Variants in PRTG observed in about 807,000 individuals in gnomAD.
PRTG encodes protogenin.
In PRTG, 67 loss-of-function variants were observed where a neutral mutation model predicts 122.5. That is an observed-to-expected ratio of 0.55 (90% CI 0.45 to 0.67). PRTG has a LOEUF of 0.67. PRTG is among the 30% of genes least tolerant of loss of function. The pLI is 0.00. For synonymous variants in PRTG, 554 were observed against 501.1 expected (o/e 1.11, Z -1.41); for missense variants, 1,435 against 1,415.4 (o/e 1.01, Z -0.22).
At chr15:55,708,012 A>G (rs2030204434) in intron 2 of PRTG, among the ~76,000 whole-genome samples, 1 of 152,166 alleles carries the variant, frequency 6.6e-6, no homozygotes, top group Non-Finnish European at 1.5e-5. Flanking sequence ...CTCAGAAGCC[A>G]CAAAGGCAAT....
intron 15 of PRTG, among the ~76,000 whole-genome samples, chr15:55,629,375 A>ATGTGTGTGTGTGTGTG (rs59080250): frequency 2.3e-4 from 11 of 47,976 alleles, no homozygotes; most frequent in East Asian, 0.015. Flanking sequence ...ATATATATAT[A>ATGTGTGTGTGTGTGTG]TGTGTGTGTG....
Position 55,736,380 on chromosome 15 carries a change from CTTT to C in PRTG, c.397+3999_397+4001del, listed in dbSNP as rs68147473. Among the ~76,000 whole-genome samples the C allele has an allele frequency of 2.0e-5, 3 of 147,680 alleles. No individual in the cohort carries two copies. The South Asian group carries it at 6.5e-4, about 32-fold the overall frequency. On this transcript the variant is annotated intron_variant, in intron 2 of 19. Transcript: ENST00000389286. ...TCTTTTCAACGTATCACTTCCCCAT[CTTT>C]TTTTTTTTAACATGACTCTTTATAA...
intron 6 of PRTG, 149 bp downstream of exon 6, chr15:55,679,905 A>C: frequency 1.6e-6 from 1 of 634,228 alleles, no homozygotes; most frequent in African/African-American, 1.8e-5. Flanking sequence ...TTTTAACATA[A>C]ATATTTGTTT....
chr15:55,675,649 T>C lies in PRTG; in HGVS notation c.1416A>G (p.Gly472=). ...LNNEEYQVVI[G]NDTTHYIIDD... ...CAATAATATAATGAGTTGTGTCATTTCCGATGACTACTTGATACTCTTCAT... is the reference window on the plus strand; with the variant it reads ...CAATAATATAATGAGTTGTGTCATTCCCGATGACTACTTGATACTCTTCAT... The change falls in exon 9 of 20, where the codon GGA becomes GGG. Residue 472 remains glycine, a synonymous_variant. Transcript: ENST00000389286. The C allele has an allele frequency of 6.3e-7, 1 of 1,588,292 alleles. No homozygotes were observed. The highest frequency in any genetic ancestry group is 8.6e-7 in the Non-Finnish European group (1 of 1,157,072).
chr15:55,708,761 G>C (rs1273877732), intron 2 of PRTG, among the ~76,000 whole-genome samples: 2 of 152,044 alleles, frequency 1.3e-5, no homozygotes, highest in East Asian at 3.9e-4. Flanking sequence ...GCTTAGCCAG[G>C]GTTATTTCAA....
At chr15:55,637,932 A>G (rs1321322134) in intron 14 of PRTG, among the ~76,000 whole-genome samples, 2 of 152,234 alleles carry the variant, frequency 1.3e-5, no homozygotes, top group African/African-American at 2.4e-5. Flanking sequence ...TATATGGAAT[A>G]TTGCCAAAAC....
chr15:55,741,477 C>T (rs1193996297), intron 1 of PRTG, among the ~76,000 whole-genome samples: 1 of 152,208 alleles, frequency 6.6e-6, no homozygotes, highest in African/African-American at 2.4e-5. Flanking sequence ...ACATTTTTAT[C>T]AGAGCAGAGG....
chr15:55,730,061 G>A (rs1049754585), intron 2 of PRTG, among the ~76,000 whole-genome samples: 17 of 152,232 alleles, frequency 1.1e-4, no homozygotes, highest in African/African-American at 3.1e-4. Flanking sequence ...AATGAAAGTC[G>A]CTTTTTTAAT....
At chr15:55,685,389 CTTAT>C (rs1241489030) in intron 2 of PRTG, among the ~76,000 whole-genome samples, 1 of 152,092 alleles carries the variant, frequency 6.6e-6, no homozygotes, top group Non-Finnish European at 1.5e-5. Context: ...GAAATAATCC[CTTAT>C]TTGTGTATGA....
At chr15:55,735,644 CAAAAT>C (rs1445569257) in intron 2 of PRTG, among the ~76,000 whole-genome samples, 5 of 123,542 alleles carry the variant, frequency 4.0e-5, no homozygotes, top group African/African-American at 6.2e-5. Flanking sequence ...ATAAATAAAA[CAAAAT>C]AAAATAAGTA....
rs74017548 is a variant in PRTG, at chr15:55,682,357, G to A, written c.676+7C>T. 2,743 of 1,585,068 alleles carry A rather than the reference G, an allele frequency of 1.7e-3. 36 individuals carry two copies. The African/African-American group carries it at 0.032, about 19-fold the overall frequency. Reference sequence around the variant, plus strand: ...CATAAAAATGGAAAAACCACTCTGCGTGGTACCTGGAATCACAGTTAGCGA... The same window carrying A: ...CATAAAAATGGAAAAACCACTCTGCATGGTACCTGGAATCACAGTTAGCGA... On this transcript the variant is annotated splice_region_variant and intron_variant, in intron 4 of 19. Transcript: ENST00000389286.
chr15:55,661,845 C>A (rs1222141253), intron 11 of PRTG, among the ~76,000 whole-genome samples: 1 of 150,674 alleles, frequency 6.6e-6, no homozygotes, highest in Non-Finnish European at 1.5e-5. Flanking sequence ...ACCATTTAGG[C>A]AAATGCATCA....
chr15:55,688,968 CTACT>C (rs1469023833), intron 2 of PRTG, among the ~76,000 whole-genome samples: 2 of 152,214 alleles, frequency 1.3e-5, no homozygotes, highest in Non-Finnish European at 2.9e-5. Flanking sequence ...AAGCTAGAGA[CTACT>C]TACTCTTTCT....
chr15:55,721,858 G>A (rs1351853369), intron 2 of PRTG, among the ~76,000 whole-genome samples: 1 of 152,096 alleles, frequency 6.6e-6, no homozygotes. Flanking sequence ...GATCTCCTGA[G>A]AACTTACTCA....
At chr15:55,742,787 G>C (rs111698946) in intron 1 of PRTG, 51 bp downstream of exon 1, 1 of 1,535,584 alleles carries the variant, frequency 6.5e-7, no homozygotes, top group South Asian at 1.2e-5. Context: ...TCCCACTCGC[G>C]CCCGCTCCCG....
rs372741050 is a variant in PRTG at position 55,741,305 on chromosome 15, G to T, written c.95-621C>A. Among the ~76,000 whole-genome samples the T allele has an allele frequency of 1.5e-4, 23 of 152,322 alleles. 1 individual carries two copies. The highest frequency in any genetic ancestry group is 1.3e-3 in the Admixed American group (20 of 15,304). On this transcript the variant is annotated intron_variant, in intron 1 of 19. Transcript: ENST00000389286. Reference sequence around the variant, plus strand: ...CTAGGTATTTAAAAGACAAACAATAGACTTTGAAAAGTTGGTAACTCTTGC... The same window carrying T: ...CTAGGTATTTAAAAGACAAACAATATACTTTGAAAAGTTGGTAACTCTTGC...
chr15:55,697,284 T>C (rs2059637027), intron 2 of PRTG, among the ~76,000 whole-genome samples: 1 of 152,186 alleles, frequency 6.6e-6, no homozygotes, highest in South Asian at 2.1e-4. Context: ...GTAAATTCCT[T>C]GAGTTCAGAG....
intron 2 of PRTG, among the ~76,000 whole-genome samples, chr15:55,729,913 A>C (rs1447283968): frequency 6.6e-6 from 1 of 152,196 alleles, no homozygotes; most frequent in Non-Finnish European, 1.5e-5. Context: ...TGCACGGAGG[A>C]TATACACAAG....
chr15:55,702,803 A>AAC (rs372278027), intron 2 of PRTG: 648 of 447,528 alleles, frequency 1.4e-3, no homozygotes, highest in Non-Finnish European at 1.7e-3. Flanking sequence ...CACATGTGCA[A>AAC]ACACACACAC....
Sources: gnomAD v4.1 joint callset for allele counts (sites outside exome capture counted in the v4.1 genomes callset) on GRCh38, gnomAD v4.1.1 for gene constraint, MANE v1.5 for transcripts, NCBI Gene and HGNC (gene_info 2026-07-23, HGNC 2026-07-21) for gene names.